MEF2C: variants seen among roughly 807,000 people sequenced by gnomAD.
MEF2C encodes the protein myocyte enhancer factor 2C.
A neutral mutation model predicts 50.5 loss-of-function variants in MEF2C; 6 were observed. The observed-to-expected ratio is 0.12, with a 90% CI of 0.07 to 0.23. The LOEUF (loss-of-function observed/expected upper bound fraction) is 0.23. Ranked by LOEUF, MEF2C falls within the 10% of genes least tolerant of loss-of-function variation. The pLI is 1.00. For missense variants in MEF2C, 276 were observed against 605.0 expected, an observed-to-expected ratio of 0.46 and a Z score of 5.70; for synonymous variants, 183 against 228.0, an observed-to-expected ratio of 0.80 and a Z score of 1.78.
intron 1 of MEF2C, among the ~76,000 whole-genome samples, chr5:88,854,883 A>G (rs912603290): frequency 6.6e-6 from 1 of 152,232 alleles, no homozygotes; most frequent in African/African-American, 2.4e-5. Flanking sequence ...ACTGCAATGA[A>G]TCACAACTAC....
At chr5:88,845,501 A>T (rs1446670522) in intron 1 of MEF2C, among the ~76,000 whole-genome samples, 1 of 152,140 alleles carries the variant, frequency 6.6e-6, no homozygotes, top group Admixed American at 6.5e-5. Flanking sequence ...AGATTACAAC[A>T]GCAGTAGAAG....
At chr5:88,864,555 C>T (rs1337416306) in intron 1 of MEF2C, among the ~76,000 whole-genome samples, 1 of 150,722 alleles carries the variant, frequency 6.6e-6, no homozygotes. Context: ...TATAAATATG[C>T]ATATTATAAA....
intron 1 of MEF2C, among the ~76,000 whole-genome samples, chr5:88,872,131 T>TA (rs540943253): frequency 6.6e-5 from 10 of 151,078 alleles, no homozygotes; most frequent in East Asian, 1.9e-4. Flanking sequence ...ATAAGAAAAA[T>TA]AAAAAAAAGG....
intron 1 of MEF2C, among the ~76,000 whole-genome samples, chr5:88,877,588 A>G (rs944866973): frequency 6.6e-6 from 1 of 152,162 alleles, no homozygotes. Flanking sequence ...AAAAATAACA[A>G]AAGAACATCA....
In MEF2C at chr5:88,891,393, C is replaced by CTTTTT. The variant is rs771799863; in HGVS notation, c.-239-3800_-239-3796dup. 2.7e-3 allele frequency among the ~76,000 whole-genome samples: 283 copies of CTTTTT among 104,836 alleles called. 20 individuals are homozygous for CTTTTT. Among genetic ancestry groups the CTTTTT allele is most frequent in the African/African-American group, 0.011 (259 of 24,066 alleles). 68.8% of individuals were successfully genotyped at this position (104,836 alleles called of 152,430 possible). ...TCAGAAATGTTAATAACCAACCAAC[C>CTTTTT]TTTTTTTTTTTTTTTTTTTTTTGAG... On this transcript the variant is annotated intron_variant, in intron 1 of 11. Coordinates refer to the MEF2C transcript ENST00000340208.
At chr5:88,754,532 C>G (rs1337181304) in intron 4 of MEF2C, among the ~76,000 whole-genome samples, 1 of 152,158 alleles carries the variant, frequency 6.6e-6, no homozygotes, top group East Asian at 1.9e-4. Context: ...ATCTAGAACA[C>G]TGGTACTCTA....
At chr5:88,780,912 A>G (rs1787680291) in intron 3 of MEF2C, 1 of 985,288 alleles carries the variant, frequency 1.0e-6, no homozygotes. Flanking sequence ...TCTTGGATAC[A>G]AAGTAGTTCA....
chr5:88,770,067 C>G (rs553361492), intron 3 of MEF2C: 1 of 880,396 alleles, frequency 1.1e-6, no homozygotes, highest in East Asian at 1.2e-4. Flanking sequence ...AAGGAAAAGA[C>G]AAGACAGAAC....
intron 6 of MEF2C, chr5:88,740,280 G>A (rs1438039783): frequency 1.1e-6 from 1 of 939,504 alleles, no homozygotes; most frequent in Non-Finnish European, 1.3e-6. Context: ...GAAATTAACA[G>A]TCTGTCAATG....
At chr5:88,729,086 G>A (rs565441492) in intron 9 of MEF2C, 132 bp downstream of exon 9, 4 of 921,634 alleles carry the variant, frequency 4.3e-6, no homozygotes, top group Non-Finnish European at 6.3e-6. Flanking sequence ...GTGAAGAATG[G>A]GTAATGCTGC....
chr5:88,764,550 C>T lies in MEF2C; in HGVS notation c.259-3222G>A, dbSNP rs952035350. Among the ~76,000 whole-genome samples, 3 of 146,718 alleles carry T rather than the reference C, an allele frequency of 2.0e-5. No individual in the cohort carries two copies. In the South Asian group the frequency reaches 6.7e-4, roughly 33 times the overall value. The stretch of plus-strand genomic sequence containing the variant: ...ATTGTCCAGGCGTGGTGGCTCTCGC[C>T]TGTAATCCCAGCACTTTGGGAGGCC... On this transcript the variant is annotated intron_variant, in intron 3 of 10. Coordinates refer to ENST00000504921, the MANE Select transcript of MEF2C (RefSeq NM_002397.5).
chr5:88,874,622 G>A (rs1018214916), intron 1 of MEF2C, among the ~76,000 whole-genome samples: 2 of 151,506 alleles, frequency 1.3e-5, no homozygotes, highest in Non-Finnish European at 1.5e-5. Flanking sequence ...ACAATTTATC[G>A]GGAACATTTG....
intron 6 of MEF2C, chr5:88,734,172 C>T (rs1422190): frequency 9.1e-6 from 9 of 984,918 alleles, no homozygotes; most frequent in Non-Finnish European, 1.1e-5. Context: ...TTAATAGATT[C>T]TACGGGATAA....
intron 3 of MEF2C, among the ~76,000 whole-genome samples, chr5:88,791,718 T>G (rs1033328867): frequency 6.6e-6 from 1 of 152,108 alleles, no homozygotes; most frequent in Non-Finnish European, 1.5e-5. Context: ...TGAATACATT[T>G]AAAAAATTTT....
chr5:88,786,779 A>G (rs1052507959), intron 3 of MEF2C, among the ~76,000 whole-genome samples: 4 of 152,206 alleles, frequency 2.6e-5, no homozygotes, highest in Admixed American at 2.6e-4. Flanking sequence ...AATGGGAAAA[A>G]TGGTTCTCAG....
At chr5:88,881,336 T>C (rs998043614) in intron 1 of MEF2C, 1 of 152,160 alleles carries the variant, frequency 6.6e-6, no homozygotes, top group African/African-American at 2.4e-5. Context: ...AAGTTCTGAG[T>C]CTTGCTTTAG....
At chr5:88,869,926 G>A (rs1829003609) in intron 1 of MEF2C, among the ~76,000 whole-genome samples, 1 of 151,150 alleles carries the variant, frequency 6.6e-6, no homozygotes, top group Non-Finnish European at 1.5e-5. Flanking sequence ...GTTTAACTTA[G>A]TGGTGTCAAA....
chr5:88,873,708 ATTTTTTTTTTTTTTTTT>A (rs199642010), intron 1 of MEF2C, among the ~76,000 whole-genome samples: 2 of 93,828 alleles, frequency 2.1e-5, no homozygotes, highest in African/African-American at 4.4e-5. Flanking sequence ...GTCGTCACGG[ATTTTTTTTTTTTTTTTT>A]TTTTTTTTTT....
intron 3 of MEF2C, among the ~76,000 whole-genome samples, chr5:88,783,497 G>A (rs1486914320): frequency 1.3e-5 from 2 of 152,066 alleles, no homozygotes; most frequent in African/African-American, 4.8e-5. Flanking sequence ...GCTGGGCGTG[G>A]TGGCACATGC....
Sources: allele counts gnomAD v4.1 joint callset (sites outside exome capture counted in the v4.1 genomes callset), GRCh38; gene constraint gnomAD v4.1.1; transcripts MANE v1.5; gene names NCBI Gene and HGNC (gene_info 2026-07-23, HGNC 2026-07-21).